The following NALF1 variants were observed in gnomAD, a reference collection of about 807,000 sequenced individuals.
NALF1 encodes the protein family with sequence similarity 155 member A.
Under a neutral mutation model 48.4 loss-of-function variants are expected in NALF1, and 3 were observed. The observed-to-expected ratio is 0.06, with a 90% CI of 0.03 to 0.16. NALF1 has a LOEUF of 0.16. Ranked by LOEUF, NALF1 falls within the 10% of genes least tolerant of loss-of-function variation. NALF1 has a pLI of 1.00. For missense variants in NALF1, 526 were observed against 571.5 expected (o/e 0.92, Z 0.81); for synonymous variants, 262 against 245.7 (o/e 1.07, Z -0.62).
intron 2 of NALF1, among the ~76,000 whole-genome samples, chr13:107,181,548 G>A (rs1297410313): frequency 1.4e-5 from 2 of 143,580 alleles, no homozygotes; most frequent in African/African-American, 2.6e-5. Context: ...ATTATATTAA[G>A]TTCAACAATG....
intron 1 of NALF1, among the ~76,000 whole-genome samples, chr13:107,659,772 G>T (rs187450235): frequency 6.6e-6 from 1 of 151,936 alleles, no homozygotes; most frequent in East Asian, 1.9e-4. Context: ...ACCAATTACA[G>T]GTGGTCCCTC....
At chr13:107,602,227 T>C (rs1878950052) in intron 1 of NALF1, among the ~76,000 whole-genome samples, 1 of 152,182 alleles carries the variant, frequency 6.6e-6, no homozygotes, top group South Asian at 2.1e-4. Context: ...TAACCATCTA[T>C]GAAACCAGGA....
chr13:107,192,542 T>C (rs1879305209), intron 2 of NALF1, among the ~76,000 whole-genome samples: 1 of 152,178 alleles, frequency 6.6e-6, no homozygotes. Context: ...AAGGTTAGTC[T>C]TAGGACCACA....
At chr13:107,502,243 T>C (rs998528579) in intron 1 of NALF1, among the ~76,000 whole-genome samples, 1 of 152,168 alleles carries the variant, frequency 6.6e-6, no homozygotes, top group Admixed American at 6.6e-5. Context: ...GTTCATATTA[T>C]GTTTTATTCC....
intron 2 of NALF1, among the ~76,000 whole-genome samples, chr13:107,193,290 G>A (rs1392064690): frequency 6.6e-6 from 1 of 152,140 alleles, no homozygotes; most frequent in East Asian, 1.9e-4. Flanking sequence ...AAAACGGCTA[G>A]AATTTTCAGA....
At chr13:107,798,474 T>A (rs1287770930) in intron 1 of NALF1, among the ~76,000 whole-genome samples, 1 of 152,202 alleles carries the variant, frequency 6.6e-6, no homozygotes, top group African/African-American at 2.4e-5. Context: ...ACAATTATTA[T>A]CAATCTCTTC....
At chr13:107,175,353 G>A (rs571748401) in intron 2 of NALF1, among the ~76,000 whole-genome samples, 2 of 152,080 alleles carry the variant, frequency 1.3e-5, no homozygotes, top group African/African-American at 4.8e-5. Context: ...ATTGCATCTC[G>A]TGTTGTCAAT....
At chr13:107,676,037 C>G (rs1881112263) in intron 1 of NALF1, among the ~76,000 whole-genome samples, 2 of 152,106 alleles carry the variant, frequency 1.3e-5, no homozygotes, top group Admixed American at 1.3e-4. Flanking sequence ...GCCAATTCTT[C>G]TTCCTTCCCC....
At chr13:107,724,556 C>A (rs1251373068) in intron 1 of NALF1, among the ~76,000 whole-genome samples, 2 of 151,496 alleles carry the variant, frequency 1.3e-5, no homozygotes, top group Non-Finnish European at 2.9e-5. Flanking sequence ...CCCTCCCTCC[C>A]TTCCTTTTAC....
rs1158839286 is a variant in NALF1, at chr13:107,583,292, C to T, written c.915+282390G>A. ...TTGCAAGAATGAGTTTAATGATACG[C>T]TTCTCCACTTCAGGGTCTAAATAAA... On this transcript the variant is annotated intron_variant, in intron 1 of 2. Coordinates refer to ENST00000375915, the MANE Select transcript of NALF1 (RefSeq NM_001080396.3). 3.3e-5 allele frequency among the ~76,000 whole-genome samples: 5 copies of T among 152,000 alleles called. No homozygotes were observed. In the East Asian group the frequency reaches 7.7e-4, roughly 23 times the overall value.
At chr13:107,561,318 C>T (rs1877638095) in intron 1 of NALF1, among the ~76,000 whole-genome samples, 1 of 152,122 alleles carries the variant, frequency 6.6e-6, no homozygotes, top group Non-Finnish European at 1.5e-5. Context: ...TGAAATGCCT[C>T]CTCAGCTTTA....
At chr13:107,674,758 T>C (rs1186536810) in intron 1 of NALF1, among the ~76,000 whole-genome samples, 1 of 152,108 alleles carries the variant, frequency 6.6e-6, no homozygotes, top group African/African-American at 2.4e-5. Flanking sequence ...AAACACCATT[T>C]CAAAAGCATA....
At chr13:107,248,175 A>G (rs1880621461) in intron 1 of NALF1, among the ~76,000 whole-genome samples, 3 of 152,120 alleles carry the variant, frequency 2.0e-5, no homozygotes, top group Admixed American at 6.5e-5. Context: ...CAAGAAGACA[A>G]TAGAATGTGA....
intron 1 of NALF1, among the ~76,000 whole-genome samples, chr13:107,708,329 T>C (rs1048471553): frequency 2.3e-4 from 35 of 152,312 alleles, no homozygotes; most frequent in African/African-American, 7.0e-4. Context: ...CAGTTACCGA[T>C]GTCTTACCTC....
intron 1 of NALF1, among the ~76,000 whole-genome samples, chr13:107,293,947 C>T (rs1245410753): frequency 6.6e-6 from 1 of 152,170 alleles, no homozygotes; most frequent in Non-Finnish European, 1.5e-5. Context: ...AAGAGTGGCA[C>T]ACAATTGGAA....
At chr13:107,506,195 G>A (rs933247737) in intron 1 of NALF1, among the ~76,000 whole-genome samples, 1 of 151,978 alleles carries the variant, frequency 6.6e-6, no homozygotes, top group African/African-American at 2.4e-5. Context: ...ATGACATGAG[G>A]ATGCTGTATA....
rs1555330475 is a variant in NALF1, at chr13:107,286,601, A to AAG, written c.916-75847_916-75846insCT. Among the ~76,000 whole-genome samples the AAG allele has an allele frequency of 1.5e-3, 218 of 147,436 alleles. 3 individuals carry two copies. In the East Asian group the frequency reaches 0.021, roughly 14 times the overall value. On this transcript the variant is annotated intron_variant, in intron 1 of 2. Transcript: ENST00000375915. ...GACCCTGTCTCAAAAAAAAAAAAAA[A>AAG]AAAGAAAGAAAGAAAAGAAACAACA...
At chr13:107,716,086 A>C (rs1004746850) in intron 1 of NALF1, among the ~76,000 whole-genome samples, 1 of 152,170 alleles carries the variant, frequency 6.6e-6, no homozygotes, top group Non-Finnish European at 1.5e-5. Context: ...ATTCAAACCC[A>C]TTTATGTCAC....
chr13:107,682,551 C>T (rs1881333583), intron 1 of NALF1, among the ~76,000 whole-genome samples: 1 of 152,174 alleles, frequency 6.6e-6, no homozygotes, highest in South Asian at 2.1e-4. Context: ...CCGGGACCTC[C>T]CACTCAAAAT....
Sources: gnomAD v4.1 joint callset for allele counts (sites outside exome capture counted in the v4.1 genomes callset) on GRCh38, gnomAD v4.1.1 for gene constraint, MANE v1.5 for transcripts, NCBI Gene and HGNC (gene_info 2026-07-23, HGNC 2026-07-21) for gene names.